Variants in SMYD3 observed in about 807,000 individuals in gnomAD.
SMYD3 encodes histone-lysine N-methyltransferase SMYD3.
Under a neutral mutation model 57.7 loss-of-function variants are expected in SMYD3, and 36 were observed. The ratio of observed to expected loss-of-function variants is 0.62; its 90% confidence interval spans 0.48 to 0.82. The LOEUF is 0.82. Ranked by LOEUF, SMYD3 falls within the 40% of genes least tolerant of loss-of-function variation. The pLI, the probability that SMYD3 is intolerant of heterozygous loss-of-function variation, is 0.00. For synonymous variants in SMYD3, 211 were observed against 195.0 expected (o/e 1.08, Z -0.68); for missense variants, 515 against 538.8 (o/e 0.96, Z 0.44).
intron 5 of SMYD3, among the ~76,000 whole-genome samples, chr1:246,277,782 C>T (rs781769149): frequency 5.9e-5 from 9 of 152,158 alleles, no homozygotes; most frequent in South Asian, 2.1e-4. Flanking sequence ...CAGTCTATAA[C>T]GTACAGTTCC....
chr1:246,174,758 A>G (rs957499758), intron 5 of SMYD3, among the ~76,000 whole-genome samples: 1 of 152,188 alleles, frequency 6.6e-6, no homozygotes, highest in Non-Finnish European at 1.5e-5. Context: ...TTTGTTTCTT[A>G]ACAGTGGATC....
intron 2 of SMYD3, among the ~76,000 whole-genome samples, chr1:246,353,585 A>G (rs2065866680): frequency 6.6e-6 from 1 of 152,210 alleles, no homozygotes; most frequent in Non-Finnish European, 1.5e-5. Context: ...ATGGAAAACT[A>G]GACCTAATCA....
intron 10 of SMYD3, chr1:245,814,420 G>T: frequency 1.0e-6 from 1 of 981,506 alleles, no homozygotes; most frequent in South Asian, 4.7e-5. Flanking sequence ...CTTCAACTGG[G>T]GGCAAAAAAA....
At chr1:245,830,694 C>G (rs190680082) in intron 10 of SMYD3, among the ~76,000 whole-genome samples, 1 of 152,096 alleles carries the variant, frequency 6.6e-6, no homozygotes, top group Non-Finnish European at 1.5e-5. Flanking sequence ...GAAAGCTTAG[C>G]GATAACAGAT....
At chr1:245,798,170 G>C (rs990119049) in intron 10 of SMYD3, among the ~76,000 whole-genome samples, 1 of 151,866 alleles carries the variant, frequency 6.6e-6, no homozygotes, top group African/African-American at 2.4e-5. Flanking sequence ...TCTGCACTGA[G>C]CTGCTGCAGG....
intron 1 of SMYD3, among the ~76,000 whole-genome samples, chr1:246,372,208 A>G (rs182217030): frequency 8.5e-5 from 13 of 152,208 alleles, no homozygotes; most frequent in Non-Finnish European, 1.8e-4. Context: ...ATAGCCATGG[A>G]ACGACAGTTA....
intron 5 of SMYD3, among the ~76,000 whole-genome samples, chr1:246,101,243 T>C (rs2061011539): frequency 6.6e-6 from 1 of 152,176 alleles, no homozygotes; most frequent in Non-Finnish European, 1.5e-5. Context: ...AATGCTAGTA[T>C]GACCCTTTAT....
At chr1:246,246,509 G>C (rs2148488244) in intron 5 of SMYD3, among the ~76,000 whole-genome samples, 1 of 152,240 alleles carries the variant, frequency 6.6e-6, no homozygotes. Context: ...ATTATTTCAA[G>C]TGAGTAAAAC....
At chr1:246,314,939 G>T (rs1002148171) in intron 5 of SMYD3, among the ~76,000 whole-genome samples, 1 of 152,196 alleles carries the variant, frequency 6.6e-6, no homozygotes, top group African/African-American at 2.4e-5. Flanking sequence ...ACTTCTGTTT[G>T]CTGTATCACA....
At chr1:246,070,636 C>T (rs774931651) in intron 5 of SMYD3, among the ~76,000 whole-genome samples, 1 of 152,120 alleles carries the variant, frequency 6.6e-6, no homozygotes, top group Non-Finnish European at 1.5e-5. Context: ...TCTGTCAGAA[C>T]CCTGATCAAA....
In SMYD3 at chr1:245,753,069, T is replaced by C. The variant is rs112693109; in HGVS notation, c.1186-3405A>G. Among the ~76,000 whole-genome samples, 1,396 of 152,296 alleles carry C rather than the reference T, an allele frequency of 9.2e-3. 23 individuals are homozygous for C. Among genetic ancestry groups the C allele is most frequent in the African/African-American group, 0.032 (1,318 of 41,550 alleles). On this transcript the variant is annotated intron_variant, in intron 11 of 11. Coordinates refer to ENST00000490107, the MANE Select transcript of SMYD3 (RefSeq NM_001167740.2). Reference sequence around the variant, plus strand: ...TTCCTTGTCAAGATGCTGCTGGTCATGTTCTGTGTTCTCTTACTTGATGCT... The same window carrying C: ...TTCCTTGTCAAGATGCTGCTGGTCACGTTCTGTGTTCTCTTACTTGATGCT...
chr1:246,381,680 A>C (rs766025103), intron 1 of SMYD3, among the ~76,000 whole-genome samples: 1 of 152,242 alleles, frequency 6.6e-6, no homozygotes, highest in Non-Finnish European at 1.5e-5. Flanking sequence ...TACAGTGAAT[A>C]AATGTTTGCT....
At chr1:245,869,907 C>G (rs899137877) in intron 8 of SMYD3, among the ~76,000 whole-genome samples, 2 of 152,190 alleles carry the variant, frequency 1.3e-5, no homozygotes, top group African/African-American at 4.8e-5. Flanking sequence ...TATCAGGAAA[C>G]CTTCTCTGGT....
intron 5 of SMYD3, among the ~76,000 whole-genome samples, chr1:246,192,366 T>C (rs10924537): frequency 0.68 from 103,798 of 152,188 alleles, 35,761 homozygotes; most frequent in Admixed American, 0.76. Context: ...CCTGCAACTT[T>C]GGAACCCAGC....
At chr1:246,393,017 C>G (rs2148771298) in intron 1 of SMYD3, among the ~76,000 whole-genome samples, 1 of 152,108 alleles carries the variant, frequency 6.6e-6, no homozygotes, top group Non-Finnish European at 1.5e-5. Context: ...AGAAAGATCC[C>G]TCATACTTAC....
chr1:246,295,354 C>T (rs1013669313), intron 5 of SMYD3, among the ~76,000 whole-genome samples: 2 of 151,992 alleles, frequency 1.3e-5, no homozygotes, highest in Admixed American at 1.3e-4. Flanking sequence ...AGATAGTAGC[C>T]GAGGAGTTGA....
chr1:245,955,267 T>G (rs1312891876), intron 5 of SMYD3, among the ~76,000 whole-genome samples: 1 of 145,884 alleles, frequency 6.9e-6, no homozygotes, highest in Non-Finnish European at 1.5e-5. Flanking sequence ...AATTTTTTTT[T>G]GTATTTTTTA....
chr1:246,218,810 G>C (rs934961903), intron 5 of SMYD3, among the ~76,000 whole-genome samples: 2 of 152,178 alleles, frequency 1.3e-5, no homozygotes, highest in Non-Finnish European at 2.9e-5. Context: ...AGCTATACTA[G>C]TTCTGCACAC....
chr1:246,193,046 A>G (rs1417424193), intron 5 of SMYD3, among the ~76,000 whole-genome samples: 3 of 152,212 alleles, frequency 2.0e-5, no homozygotes, highest in African/African-American at 7.2e-5. Context: ...GAAAACAGAG[A>G]AGTCATATTG....
Sources: allele counts gnomAD v4.1 joint callset (sites outside exome capture counted in the v4.1 genomes callset), GRCh38; gene constraint gnomAD v4.1.1; transcripts MANE v1.5; gene names NCBI Gene and HGNC (gene_info 2026-07-23, HGNC 2026-07-21).